The following GOLGA5 variants were observed in gnomAD, a reference collection of about 807,000 sequenced individuals.
GOLGA5 encodes golgin A5.
In GOLGA5, 50 loss-of-function variants were observed where a neutral mutation model predicts 93.5. The ratio of observed to expected loss-of-function variants is 0.53; its 90% confidence interval spans 0.43 to 0.68. The LOEUF (loss-of-function observed/expected upper bound fraction) is 0.68. GOLGA5 is among the 30% of genes least tolerant of loss of function. The pLI, the probability that GOLGA5 is intolerant of heterozygous loss-of-function variation, is 0.00. For missense variants in GOLGA5, 760 were observed against 856.4 expected (o/e 0.89, Z 1.40); for synonymous variants, 312 against 304.5 (o/e 1.02, Z -0.26).
intron 2 of GOLGA5, among the ~76,000 whole-genome samples, chr14:92,804,577 T>C (rs182652378): frequency 6.6e-6 from 1 of 152,162 alleles, no homozygotes; most frequent in East Asian, 1.9e-4. Context: ...TCTATAAACA[T>C]TTCATTTTCT....
rs1030274431 is a variant in GOLGA5 at position 92,800,071 on chromosome 14, A to C, written c.544+2090A>C. On this transcript the variant is annotated intron_variant, in intron 2 of 12. Coordinates refer to ENST00000163416, the MANE Select transcript of GOLGA5 (RefSeq NM_005113.4). ...TTGGGTTGTGAAAATAGGATCAGGC[A>C]GTAGCAGTTGATTAATATGTTCACA... 4.6e-5 allele frequency among the ~76,000 whole-genome samples: 7 copies of C among 152,374 alleles called. No homozygotes were observed. In the East Asian group the frequency reaches 1.4e-3, roughly 29 times the overall value.
chr14:92,810,410 A>C, intron 5 of GOLGA5, 33 bp downstream of exon 5: 1 of 1,486,922 alleles, frequency 6.7e-7, no homozygotes, highest in South Asian at 1.4e-5. Flanking sequence ...TCCTATTGTT[A>C]CTTGGACACG....
Position 92,819,586 on chromosome 14 carries a change from T to C in GOLGA5, c.1492-122T>C. The C allele has an allele frequency of 3.6e-6, 3 of 839,642 alleles. No homozygotes were observed. The South Asian group carries it at 4.4e-5, about 12-fold the overall frequency. 52.0% of individuals were successfully genotyped at this position (839,642 alleles called of 1,614,324 possible). The stretch of plus-strand genomic sequence containing the variant: ...AGTTTGAGGCTGCCATGAACTGTGA[T>C]TGTGCCACTGCACTCCAGCCTGGGT... On this transcript the variant is annotated intron_variant, in intron 7 of 12. Transcript: ENST00000163416.
chr14:92,804,900 C>G (rs950701116), intron 2 of GOLGA5, among the ~76,000 whole-genome samples: 1 of 152,170 alleles, frequency 6.6e-6, no homozygotes, highest in African/African-American at 2.4e-5. Context: ...CCTGCCTCAG[C>G]CTCCCAAAGT....
In GOLGA5 at chr14:92,797,894, T is replaced by G. The variant is rs748009930; in HGVS notation, c.457T>G (p.Ser153Ala). Reference sequence around the variant, plus strand: ...AGGCAAGACACCTGTCTTTCAGAGCTCTCAGACATCAAGTGTCAGTTCTGT... The same window carrying G: ...AGGCAAGACACCTGTCTTTCAGAGCGCTCAGACATCAAGTGTCAGTTCTGT... The part of the protein sequence containing the change: ...EKGKTPVFQS[S>A]QTSSVSSVNP... The change falls in exon 2 of 13, where the codon TCT becomes GCT. Residue 153 changes from serine to alanine, a missense_variant. Coordinates refer to ENST00000163416, the MANE Select transcript of GOLGA5 (RefSeq NM_005113.4). The G allele has an allele frequency of 2.2e-5, 36 of 1,612,934 alleles. No homozygotes were observed. Among genetic ancestry groups the G allele is most frequent in the African/African-American group, 1.2e-4 (9 of 74,868 alleles).
intron 9 of GOLGA5, among the ~76,000 whole-genome samples, chr14:92,826,313 A>G (rs975282157): frequency 1.3e-5 from 2 of 151,624 alleles, no homozygotes; most frequent in African/African-American, 2.4e-5. Flanking sequence ...AAATCACACA[A>G]TTGGAGTGAG....
intron 9 of GOLGA5, among the ~76,000 whole-genome samples, chr14:92,829,627 C>CTAA (rs1359409152): frequency 2.0e-5 from 3 of 152,166 alleles, no homozygotes; most frequent in African/African-American, 7.2e-5. Context: ...TACCGATGAG[C>CTAA]TAAGAAAGTG....
chr14:92,822,491 C>A (rs1036472175), intron 8 of GOLGA5, among the ~76,000 whole-genome samples: 1 of 152,172 alleles, frequency 6.6e-6, no homozygotes, highest in Non-Finnish European at 1.5e-5. Flanking sequence ...TCTGAGTGAT[C>A]CATTGTACAA....
At chr14:92,825,949 G>A (rs1452541904) in intron 9 of GOLGA5, among the ~76,000 whole-genome samples, 1 of 151,794 alleles carries the variant, frequency 6.6e-6, no homozygotes, top group Non-Finnish European at 1.5e-5. Context: ...GAGGTCAGGA[G>A]TTCAAGATCA....
chr14:92,828,840 T>C (rs1386853159), intron 9 of GOLGA5, among the ~76,000 whole-genome samples: 4 of 152,100 alleles, frequency 2.6e-5, no homozygotes, highest in Non-Finnish European at 4.4e-5. Flanking sequence ...GGCTAATTTT[T>C]GTATTTTTGG....
chr14:92,831,229 A>G (rs550164732), intron 9 of GOLGA5, among the ~76,000 whole-genome samples: 36 of 152,344 alleles, frequency 2.4e-4, no homozygotes, highest in Non-Finnish European at 4.3e-4. Flanking sequence ...GCTAACGTAC[A>G]TCTAACCTGT....
intron 1 of GOLGA5, among the ~76,000 whole-genome samples, chr14:92,795,096 T>G (rs55707738): frequency 0.073 from 11,006 of 151,242 alleles, 1,365 homozygotes; most frequent in African/African-American, 0.25. Context: ...AATGAGCGTG[T>G]TTTGATTTTT....
intron 2 of GOLGA5, among the ~76,000 whole-genome samples, chr14:92,799,846 A>G (rs1884830273): frequency 6.6e-6 from 1 of 152,034 alleles, no homozygotes; most frequent in African/African-American, 2.4e-5. Flanking sequence ...ACCTCAAGTC[A>G]TCTGCCCACC....
At position 92,839,122 on chromosome 14, in the gene GOLGA5, C is replaced by G. The variant is rs1951176; in HGVS notation, c.2116-244C>G. 0.069 allele frequency among the ~76,000 whole-genome samples: 10,566 copies of G among 152,236 alleles called. 453 individuals carry two copies. Among genetic ancestry groups the G allele is most frequent in the Middle Eastern group, 0.13 (38 of 294 alleles). ...TATAATCAACTGATTATTTTGCATA[C>G]ACGTGCATATTGTGAATGTGTTGAA... On this transcript the variant is annotated intron_variant, in intron 12 of 12. Transcript: ENST00000163416.
chr14:92,829,469 G>A (rs1885484472), intron 9 of GOLGA5, among the ~76,000 whole-genome samples: 3 of 152,090 alleles, frequency 2.0e-5, no homozygotes, highest in Admixed American at 2.0e-4. Context: ...CTCAAGGATG[G>A]CTTTGAGGAG....
At chr14:92,828,602 A>G (rs1307006245) in intron 9 of GOLGA5, among the ~76,000 whole-genome samples, 1 of 152,264 alleles carries the variant, frequency 6.6e-6, no homozygotes, top group Non-Finnish European at 1.5e-5. Context: ...CCAATACAAT[A>G]TCCATTTGGC....
In GOLGA5 at chr14:92,814,268, A is replaced by G. The variant is rs1291908161; in HGVS notation, c.1321-1983A>G. 2.6e-5 allele frequency among the ~76,000 whole-genome samples: 4 copies of G among 152,308 alleles called. No homozygotes were observed. In the East Asian group the frequency reaches 7.7e-4, roughly 29 times the overall value. On this transcript the variant is annotated intron_variant, in intron 6 of 12. Coordinates refer to ENST00000163416, the MANE Select transcript of GOLGA5 (RefSeq NM_005113.4). ...AAAGGATAGCCTGCAAAAGAAAAATACTGAGAAGGTGAGTGGTCAGAGATT... is the reference window on the plus strand; with the variant it reads ...AAAGGATAGCCTGCAAAAGAAAAATGCTGAGAAGGTGAGTGGTCAGAGATT...
chr14:92,835,170 G>A (rs1218147909), intron 10 of GOLGA5, among the ~76,000 whole-genome samples: 1 of 152,166 alleles, frequency 6.6e-6, no homozygotes, highest in Non-Finnish European at 1.5e-5. Flanking sequence ...AGTTGGATGA[G>A]TCTGGCAGGG....
At chr14:92,833,820 T>G (rs1885580279) in intron 10 of GOLGA5, among the ~76,000 whole-genome samples, 2 of 152,216 alleles carry the variant, frequency 1.3e-5, no homozygotes, top group African/African-American at 4.8e-5. Flanking sequence ...ATTTTTAATC[T>G]TGGAACTTCG....
Sources: gnomAD v4.1 joint callset for allele counts (sites outside exome capture counted in the v4.1 genomes callset) on GRCh38, gnomAD v4.1.1 for gene constraint, MANE v1.5 for transcripts, NCBI Gene and HGNC (gene_info 2026-07-23, HGNC 2026-07-21) for gene names.